Variants in CFAP52 observed in about 807,000 individuals in gnomAD.
CFAP52 encodes the protein cilia and flagella associated protein 52, also known as cilia- and flagella-associated protein 52.
A neutral mutation model predicts 70.5 loss-of-function variants in CFAP52; 57 were observed. The ratio of observed to expected loss-of-function variants is 0.81; its 90% CI spans 0.65 to 1.01. The LOEUF is 1.01. CFAP52 is among the 50% of genes least tolerant of loss of function. The probability of loss-of-function intolerance (pLI) is 0.00; values close to 1 mark genes in which losing one functional copy is unlikely to be tolerated. For synonymous variants in CFAP52, 267 were observed against 292.5 expected (o/e 0.91, Z 0.89); for missense variants, 785 against 788.5 (o/e 1.00, Z 0.05).
At chr17:9,638,371 C>G (rs1910901871) in intron 11 of CFAP52, among the ~76,000 whole-genome samples, 1 of 152,120 alleles carries the variant, frequency 6.6e-6, no homozygotes, top group Non-Finnish European at 1.5e-5. Context: ...AGGGCCCTTC[C>G]CATTGTCCTC....
chr17:9,587,268 A>G (rs1287410639), intron 3 of CFAP52, among the ~76,000 whole-genome samples: 2 of 152,208 alleles, frequency 1.3e-5, no homozygotes, highest in Admixed American at 1.3e-4. Flanking sequence ...CCAGTCTACC[A>G]TTGATGAGCA....
intron 8 of CFAP52, among the ~76,000 whole-genome samples, chr17:9,616,654 G>A (rs1003796884): frequency 2.7e-5 from 4 of 150,420 alleles, no homozygotes; most frequent in African/African-American, 1.0e-4. Context: ...GGAGATCTGA[G>A]AACGGGCAGA....
At chr17:9,638,010 G>A (rs1469425991) in intron 11 of CFAP52, among the ~76,000 whole-genome samples, 3 of 152,218 alleles carry the variant, frequency 2.0e-5, no homozygotes, top group Admixed American at 2.0e-4. Flanking sequence ...ATGCAGACAA[G>A]GGTTGAGCCT....
intron 4 of CFAP52, among the ~76,000 whole-genome samples, chr17:9,595,754 T>C (rs1908969475): frequency 6.6e-6 from 1 of 152,012 alleles, no homozygotes; most frequent in Non-Finnish European, 1.5e-5. Flanking sequence ...ATTTTTGACA[T>C]GGCACCTATG....
At chr17:9,593,612 C>T (rs1908863192) in intron 3 of CFAP52, among the ~76,000 whole-genome samples, 1 of 152,044 alleles carries the variant, frequency 6.6e-6, no homozygotes, top group Non-Finnish European at 1.5e-5. Flanking sequence ...TGTGCCACCA[C>T]ATCCAGCTAA....
At chr17:9,622,483 A>G (rs1256219471) in intron 8 of CFAP52, among the ~76,000 whole-genome samples, 1 of 151,982 alleles carries the variant, frequency 6.6e-6, no homozygotes, top group Non-Finnish European at 1.5e-5. Context: ...TGAGGCTACC[A>G]TGAGCTACAA....
chr17:9,622,224 G>A (rs1365645631), intron 8 of CFAP52, among the ~76,000 whole-genome samples: 1 of 151,722 alleles, frequency 6.6e-6, no homozygotes, highest in East Asian at 1.9e-4. Flanking sequence ...TTTTGTTTTG[G>A]AATTCTTTCA....
In CFAP52 at chr17:9,596,059, G is replaced by GTATGTA. The variant is rs1555541608; in HGVS notation, c.536+1741_536+1742insGTATAT. On this transcript the variant is annotated intron_variant, in intron 4 of 13. Coordinates refer to ENST00000352665, the MANE Select transcript of CFAP52 (RefSeq NM_145054.5). Reference sequence around the variant, plus strand: ...TATGTATGTAGATATATATGTGTGTGTATATATATATATATATATATATAT... The same window carrying GTATGTA: ...TATGTATGTAGATATATATGTGTGTGTATGTATATATATATATATATATATATATAT... Among the ~76,000 whole-genome samples, 381 of 85,126 alleles carry GTATGTA rather than the reference G, an allele frequency of 4.5e-3. 3 individuals are homozygous for GTATGTA. The highest frequency in any genetic ancestry group is 0.038 in the East Asian group (79 of 2,078). The allele number at this position is 85,126 out of a possible 152,430, so 55.8% of individuals were successfully genotyped here. A position where few individuals can be genotyped will look rare whatever the true frequency, so the allele number is the denominator to read the frequency against.
chr17:9,583,508 G>T (rs1189443773), intron 1 of CFAP52, among the ~76,000 whole-genome samples: 1 of 151,974 alleles, frequency 6.6e-6, no homozygotes, highest in East Asian at 1.9e-4. Context: ...AATGTAATAA[G>T]AAATGAGTGA....
intron 6 of CFAP52, among the ~76,000 whole-genome samples, chr17:9,602,475 T>C (rs1202759990): frequency 1.3e-5 from 2 of 152,342 alleles, no homozygotes; most frequent in East Asian, 3.9e-4. Flanking sequence ...TATGGCTGCA[T>C]AGTATTCCAT....
At chr17:9,585,677 A>G (rs1299462072) in intron 1 of CFAP52, 96 bp from the exon 2 acceptor site, 2 of 1,257,042 alleles carry the variant, frequency 1.6e-6, no homozygotes, top group African/African-American at 2.9e-5. Context: ...TGTCACACAC[A>G]CACACACACA....
In CFAP52 at chr17:9,594,333, C is replaced by T. The variant is rs577385262; in HGVS notation, c.536+12C>T. On this transcript the variant is annotated intron_variant, in intron 4 of 13. Coordinates refer to ENST00000352665, the MANE Select transcript of CFAP52 (RefSeq NM_145054.5). ...ATGACTGCTGGAAAGTATGTGTCTG[C>T]GTTCGGAGTTTTCAGAACTCATAAA... The T allele has an allele frequency of 2.7e-5, 44 of 1,606,714 alleles. No homozygotes were observed. The highest frequency in any genetic ancestry group is 1.7e-4 in the Middle Eastern group (1 of 5,986).
intron 8 of CFAP52, among the ~76,000 whole-genome samples, chr17:9,622,716 A>C (rs1325111138): frequency 1.3e-5 from 2 of 152,164 alleles, no homozygotes; most frequent in Non-Finnish European, 2.9e-5. Context: ...TTGAAGTATA[A>C]CATATATGCA....
chr17:9,619,890 A>G (rs1468349526), intron 8 of CFAP52, among the ~76,000 whole-genome samples: 2 of 14,896 alleles, frequency 1.3e-4, no homozygotes, highest in Non-Finnish European at 2.4e-4. Context: ...CCCACAGCCA[A>G]TATCATACTG....
At chr17:9,616,397 T>G (rs1956514326) in intron 8 of CFAP52, among the ~76,000 whole-genome samples, 1 of 122,214 alleles carries the variant, frequency 8.2e-6, no homozygotes, top group Non-Finnish European at 1.7e-5. Flanking sequence ...GAGATCAAAC[T>G]GCAAGGCGGC....
intron 8 of CFAP52, among the ~76,000 whole-genome samples, chr17:9,626,585 A>G (rs574662311): frequency 7.1e-4 from 108 of 152,336 alleles, no homozygotes; most frequent in Non-Finnish European, 1.4e-3. Flanking sequence ...TGAGTGGTCC[A>G]TGAGTACACC....
chr17:9,641,144 T>C (rs1485615761), intron 12 of CFAP52, among the ~76,000 whole-genome samples: 1 of 152,226 alleles, frequency 6.6e-6, no homozygotes, highest in East Asian at 1.9e-4. Flanking sequence ...TGTCTCTCCA[T>C]CCCTAAGGTA....
At chr17:9,611,754 T>C (rs1909718626) in intron 7 of CFAP52, among the ~76,000 whole-genome samples, 1 of 152,246 alleles carries the variant, frequency 6.6e-6, no homozygotes, top group South Asian at 2.1e-4. Context: ...TATGATGTAA[T>C]CTTTTTATTA....
intron 3 of CFAP52, among the ~76,000 whole-genome samples, chr17:9,587,360 T>G (rs1200004938): frequency 6.6e-6 from 1 of 152,188 alleles, no homozygotes; most frequent in Non-Finnish European, 1.5e-5. Context: ...GGTAGAACAA[T>G]TTATATTCCT....
Sources: gnomAD v4.1 joint callset for allele counts (sites outside exome capture counted in the v4.1 genomes callset) on GRCh38, gnomAD v4.1.1 for gene constraint, MANE v1.5 for transcripts, NCBI Gene and HGNC (gene_info 2026-07-23, HGNC 2026-07-21) for gene names.